The following MKLN1 variants were observed in gnomAD, a reference collection of about 807,000 sequenced individuals.
The protein encoded by MKLN1 is muskelin.
A neutral mutation model predicts 99.0 loss-of-function variants in MKLN1; 18 were observed. The ratio of observed to expected loss-of-function variants is 0.18; its 90% CI spans 0.13 to 0.27. MKLN1 has a LOEUF of 0.27. Ranked by LOEUF, MKLN1 falls within the 10% of genes least tolerant of loss-of-function variation. The pLI is 1.00. For synonymous variants in MKLN1, 288 were observed against 293.2 expected (o/e 0.98, Z 0.18); for missense variants, 621 against 875.9 (o/e 0.71, Z 3.67).
At chr7:131,412,914 T>C (rs908818396) in intron 7 of MKLN1, among the ~76,000 whole-genome samples, 1 of 152,218 alleles carries the variant, frequency 6.6e-6, no homozygotes, top group African/African-American at 2.4e-5. Context: ...CCATAATTGA[T>C]GTTACATGAA....
rs566295665 is a variant in MKLN1 at position 131,117,216 on chromosome 7, G to C, written c.-419+7009G>C. 1.2e-3 allele frequency among the ~76,000 whole-genome samples: 177 copies of C among 152,182 alleles called. 1 individual carries two copies. The highest frequency in any genetic ancestry group is 5.6e-3 in the Admixed American group (85 of 15,286). On this transcript the variant is annotated intron_variant, in intron 1 of 7. Coordinates refer to the MKLN1 transcript ENST00000416992. Reference sequence around the variant, plus strand: ...GGAGGCTGAGGTGGGCGGATCACGAGGTCAGGAGATCGAGACCATCCTGGC... The same window carrying C: ...GGAGGCTGAGGTGGGCGGATCACGACGTCAGGAGATCGAGACCATCCTGGC...
intron 3 of MKLN1, among the ~76,000 whole-genome samples, chr7:131,307,090 T>C (rs1376400633): frequency 6.6e-6 from 1 of 151,860 alleles, no homozygotes; most frequent in Non-Finnish European, 1.5e-5. Flanking sequence ...ACAGCTCCAG[T>C]TGTGGCTAAA....
Position 131,489,066 on chromosome 7 carries a change from C to T in MKLN1, c.*1338C>T, listed in dbSNP as rs1418326319. ...TTCATATTAAGAAGTGTCGGTCGAT[C>T]CAGTGGCTCTTAAGAGTGAATAGCT... On this transcript the variant is annotated 3_prime_UTR_variant, in exon 18 of 18. Coordinates refer to ENST00000352689, the MANE Select transcript of MKLN1 (RefSeq NM_013255.5). The T allele has an allele frequency of 6.6e-6, 1 of 152,018 alleles. No homozygotes were observed. The highest frequency in any genetic ancestry group is 1.5e-5 in the Non-Finnish European group (1 of 67,988). 9.4% of individuals were successfully genotyped at this position (152,018 alleles called of 1,614,324 possible).
intron 3 of MKLN1, among the ~76,000 whole-genome samples, chr7:131,311,770 T>C (rs984967323): frequency 1.3e-5 from 2 of 151,890 alleles, no homozygotes; most frequent in Non-Finnish European, 2.9e-5. Flanking sequence ...AACTCGGTTT[T>C]CCAAACAATC....
chr7:131,427,063 A>G (rs1436981412), intron 8 of MKLN1, among the ~76,000 whole-genome samples: 1 of 152,196 alleles, frequency 6.6e-6, no homozygotes, highest in East Asian at 1.9e-4. Flanking sequence ...TTGCAGATGA[A>G]AAAAACTAAA....
chr7:131,460,302 C>T (rs778995116), intron 12 of MKLN1, among the ~76,000 whole-genome samples: 1 of 152,146 alleles, frequency 6.6e-6, no homozygotes, highest in Admixed American at 6.5e-5. Context: ...TAAACTTTAA[C>T]ATTTATGAAT....
intron 2 of MKLN1, among the ~76,000 whole-genome samples, chr7:131,386,106 A>G (rs1794010759): frequency 6.7e-6 from 1 of 149,896 alleles, no homozygotes; most frequent in South Asian, 2.1e-4. Flanking sequence ...CTCCATCTCT[A>G]GGGTTCAAGC....
chr7:131,231,756 C>G, intron 3 of MKLN1, among the ~76,000 whole-genome samples: 1 of 152,140 alleles, frequency 6.6e-6, no homozygotes, highest in East Asian at 1.9e-4. Context: ...AGCTCAAAAC[C>G]TCAGACAAGC....
chr7:131,365,996 T>C (rs1207408476), intron 1 of MKLN1, among the ~76,000 whole-genome samples: 1 of 152,158 alleles, frequency 6.6e-6, no homozygotes, highest in African/African-American at 2.4e-5. Context: ...GAATGAAGGG[T>C]GTGAAAGCTC....
rs186218156 is a variant in MKLN1 at position 131,152,793 on chromosome 7, G to A, written c.-297+9852G>A. On this transcript the variant is annotated intron_variant, in intron 2 of 7. Coordinates refer to the MKLN1 transcript ENST00000416992. ...TTACTTTTGTAGTTTGCTTGTTGAAGCAAGATCCAAATAAGGTTCATACAC... is the reference window on the plus strand; with the variant it reads ...TTACTTTTGTAGTTTGCTTGTTGAAACAAGATCCAAATAAGGTTCATACAC... Among the ~76,000 whole-genome samples the A allele has an allele frequency of 4.9e-4, 75 of 151,972 alleles. 1 individual carries two copies. The highest frequency in any genetic ancestry group is 1.6e-3 in the African/African-American group (67 of 41,530).
At chr7:131,312,362 AT>A (rs984779509) in intron 3 of MKLN1, among the ~76,000 whole-genome samples, 1 of 152,074 alleles carries the variant, frequency 6.6e-6, no homozygotes, top group African/African-American at 2.4e-5. Context: ...ACCTTTAAAA[AT>A]TTTTCTATTA....
At chr7:131,307,029 C>G (rs1798476960) in intron 3 of MKLN1, among the ~76,000 whole-genome samples, 1 of 152,090 alleles carries the variant, frequency 6.6e-6, no homozygotes, top group African/African-American at 2.4e-5. Context: ...CACCCTGCAT[C>G]CCAGCCACAG....
chr7:131,161,963 GTATA>G (rs71168374), intron 2 of MKLN1, among the ~76,000 whole-genome samples: 14,354 of 108,384 alleles, frequency 0.13, 961 homozygotes, highest in Non-Finnish European at 0.18. Context: ...GTGTGTGTGT[GTATA>G]TATATATATA....
intron 8 of MKLN1, among the ~76,000 whole-genome samples, chr7:131,419,127 T>G (rs1277786748): frequency 6.6e-6 from 1 of 151,834 alleles, no homozygotes; most frequent in Admixed American, 6.6e-5. Flanking sequence ...TACATGAAGC[T>G]TCATGAATAG....
intron 3 of MKLN1, among the ~76,000 whole-genome samples, chr7:131,293,742 G>A (rs191631410): frequency 6.6e-6 from 1 of 152,192 alleles, no homozygotes; most frequent in African/African-American, 2.4e-5. Flanking sequence ...GGAGTTTGAG[G>A]CTGCAGTGAA....
chr7:131,168,693 G>A (rs1242006219), intron 2 of MKLN1, among the ~76,000 whole-genome samples: 3 of 126,168 alleles, frequency 2.4e-5, no homozygotes, highest in Non-Finnish European at 3.5e-5. Flanking sequence ...AAGCCTTTAT[G>A]TATATTTTCT....
At chr7:131,348,337 A>G (rs1584632870) in intron 1 of MKLN1, among the ~76,000 whole-genome samples, 1 of 152,234 alleles carries the variant, frequency 6.6e-6, no homozygotes, top group South Asian at 2.1e-4. Context: ...GCATACAACT[A>G]CAGCCATTAA....
chr7:131,431,784 G>C (rs1439235232), intron 9 of MKLN1, among the ~76,000 whole-genome samples: 1 of 152,104 alleles, frequency 6.6e-6, no homozygotes, highest in African/African-American at 2.4e-5. Flanking sequence ...TTCTCATCAA[G>C]ATTTGCTACT....
chr7:131,407,194 C>G (rs928526975), intron 6 of MKLN1, among the ~76,000 whole-genome samples: 1 of 152,020 alleles, frequency 6.6e-6, no homozygotes, highest in Non-Finnish European at 1.5e-5. Flanking sequence ...TCTTTTCTCT[C>G]ATTTCTAACA....
Sources: allele counts gnomAD v4.1 joint callset (sites outside exome capture counted in the v4.1 genomes callset), GRCh38; gene constraint gnomAD v4.1.1; transcripts MANE v1.5; gene names NCBI Gene and HGNC (gene_info 2026-07-23, HGNC 2026-07-21).